PTPRD: variants seen among roughly 807,000 people sequenced by gnomAD.
PTPRD encodes protein tyrosine phosphatase receptor type D.
In PTPRD, 34 loss-of-function variants were observed where a neutral mutation model predicts 214.5. The observed-to-expected ratio is 0.16, with a 90% CI of 0.12 to 0.21. PTPRD has a LOEUF of 0.21. Ranked by LOEUF, PTPRD falls within the 10% of genes least tolerant of loss-of-function variation. The probability of loss-of-function intolerance (pLI) is 1.00; values close to 1 mark genes in which losing one functional copy is unlikely to be tolerated. For synonymous variants in PTPRD, 1,128 were observed against 845.7 expected (o/e 1.33, Z -5.79); for missense variants, 2,545 against 2,398.7 (o/e 1.06, Z -1.27).
intron 11 of PTPRD, among the ~76,000 whole-genome samples, chr9:8,926,952 T>C (rs2098901118): frequency 1.3e-5 from 2 of 152,172 alleles, no homozygotes; most frequent in African/African-American, 4.8e-5. Context: ...TTTACATTTC[T>C]TTCTTTTAGA....
chr9:10,603,390 T>C (rs1444434159), intron 2 of PTPRD, among the ~76,000 whole-genome samples: 1 of 151,900 alleles, frequency 6.6e-6, no homozygotes, highest in East Asian at 1.9e-4. Context: ...TTGTGATCAT[T>C]TACTTATGAT....
chr9:9,728,326 G>A (rs144924442), intron 7 of PTPRD, among the ~76,000 whole-genome samples: 2 of 152,270 alleles, frequency 1.3e-5, no homozygotes, highest in African/African-American at 4.8e-5. Flanking sequence ...TACTTTATGA[G>A]TCATAATTTG....
At chr9:9,034,267 A>G (rs548427682) in intron 10 of PTPRD, among the ~76,000 whole-genome samples, 1 of 152,272 alleles carries the variant, frequency 6.6e-6, no homozygotes, top group African/African-American at 2.4e-5. Flanking sequence ...TATACAGCGT[A>G]TCTGTCTCCA....
rs1331946605 is a variant in PTPRD at position 8,319,818 on chromosome 9, T to A, written c.5670+13A>T. On this transcript the variant is annotated intron_variant, in intron 45 of 45. Transcript: ENST00000381196. ...GGCTCTTGAGATGCGAAAAATGCAATGGATTTTCTCACCTCTGTCTGTACC... is the reference window on the plus strand; with the variant it reads ...GGCTCTTGAGATGCGAAAAATGCAAAGGATTTTCTCACCTCTGTCTGTACC... 20 of 1,611,392 alleles carry A rather than the reference T, an allele frequency of 1.2e-5. No homozygotes were observed. The highest frequency in any genetic ancestry group is 1.7e-5 in the Non-Finnish European group (20 of 1,178,858).
chr9:9,125,453 T>A (rs1265964282), intron 10 of PTPRD, among the ~76,000 whole-genome samples: 1 of 152,208 alleles, frequency 6.6e-6, no homozygotes, highest in Non-Finnish European at 1.5e-5. Context: ...ACAGTACCTG[T>A]GCTTACCTCT....
At chr9:8,549,554 G>C (rs2081374146) in intron 14 of PTPRD, among the ~76,000 whole-genome samples, 1 of 152,054 alleles carries the variant, frequency 6.6e-6, no homozygotes, top group Admixed American at 6.6e-5. Context: ...ATAACTAAAA[G>C]GGATAAGAAC....
chr9:9,944,258 A>G (rs1378099076), intron 4 of PTPRD, among the ~76,000 whole-genome samples: 1 of 152,164 alleles, frequency 6.6e-6, no homozygotes, highest in Non-Finnish European at 1.5e-5. Flanking sequence ...GTAGATATCT[A>G]CTTATAACAA....
chr9:8,805,564 T>C (rs1184229547), intron 11 of PTPRD, among the ~76,000 whole-genome samples: 2 of 151,852 alleles, frequency 1.3e-5, no homozygotes, highest in Non-Finnish European at 2.9e-5. Flanking sequence ...TTGATATCAA[T>C]GCTATAATTT....
intron 2 of PTPRD, among the ~76,000 whole-genome samples, chr9:10,524,892 G>T (rs142550914): frequency 5.4e-4 from 82 of 151,064 alleles, no homozygotes; most frequent in African/African-American, 1.9e-3. Context: ...AAAGATAGGG[G>T]TAAATTGTAA....
chr9:8,407,522 G>A (rs989167900), intron 35 of PTPRD, among the ~76,000 whole-genome samples: 2 of 152,146 alleles, frequency 1.3e-5, no homozygotes, highest in Non-Finnish European at 2.9e-5. Context: ...ACTAAGCCAT[G>A]ATACTACTTA....
At chr9:9,699,470 A>G (rs1157156007) in intron 7 of PTPRD, among the ~76,000 whole-genome samples, 1 of 152,164 alleles carries the variant, frequency 6.6e-6, no homozygotes, top group Non-Finnish European at 1.5e-5. Flanking sequence ...TTGGTGCCAC[A>G]TTCTCAGAGC....
intron 11 of PTPRD, among the ~76,000 whole-genome samples, chr9:8,911,829 C>G (rs1594769): frequency 0.15 from 23,372 of 151,876 alleles, 2,403 homozygotes; most frequent in East Asian, 0.32. Context: ...ATAAGATAAA[C>G]AACTCAATTA....
chr9:9,227,793 T>C lies in PTPRD; in HGVS notation c.-202-44430A>G, dbSNP rs150642015. Among the ~76,000 whole-genome samples the C allele has an allele frequency of 9.2e-5, 14 of 152,256 alleles. No individual in the cohort carries two copies. In the East Asian group the frequency reaches 2.7e-3, roughly 30 times the overall value. ...CCCATAGCCATGTGAATGAGCCATCTTGGAAATGGATCCTCCAGCCCTTTC... is the reference window on the plus strand; with the variant it reads ...CCCATAGCCATGTGAATGAGCCATCCTGGAAATGGATCCTCCAGCCCTTTC... On this transcript the variant is annotated intron_variant, in intron 9 of 45. Transcript: ENST00000381196.
chr9:10,260,037 T>C (rs1052984122), intron 3 of PTPRD, among the ~76,000 whole-genome samples: 2 of 152,200 alleles, frequency 1.3e-5, no homozygotes, highest in African/African-American at 4.8e-5. Flanking sequence ...TTTGTGGTGG[T>C]TGTATCTGCA....
intron 14 of PTPRD, among the ~76,000 whole-genome samples, chr9:8,614,485 A>G (rs1308512733): frequency 6.6e-6 from 1 of 152,208 alleles, no homozygotes; most frequent in Non-Finnish European, 1.5e-5. Context: ...GTTGTAAGGA[A>G]GGCCAGGATA....
chr9:9,839,969 C>T (rs143101463), intron 5 of PTPRD, among the ~76,000 whole-genome samples: 10 of 151,984 alleles, frequency 6.6e-5, no homozygotes, highest in East Asian at 5.8e-4. Flanking sequence ...CTAAAAATAA[C>T]GAAAAGTCAT....
chr9:9,815,112 T>C (rs2048352583), intron 5 of PTPRD, among the ~76,000 whole-genome samples: 1 of 151,980 alleles, frequency 6.6e-6, no homozygotes, highest in Non-Finnish European at 1.5e-5. Context: ...CAAACTATAT[T>C]ACAAAGCTAT....
At chr9:8,559,463 G>C (rs953469393) in intron 14 of PTPRD, among the ~76,000 whole-genome samples, 1 of 152,156 alleles carries the variant, frequency 6.6e-6, no homozygotes. Flanking sequence ...TTTGAAACCT[G>C]CTCTTGGGCT....
intron 8 of PTPRD, among the ~76,000 whole-genome samples, chr9:9,403,290 C>CAAAAAAAAAAAAAA: frequency 1.6e-5 from 1 of 60,658 alleles, no homozygotes; most frequent in Non-Finnish European, 2.8e-5. Context: ...TACTCTGTCT[C>CAAAAAAAAAAAAAA]AAAAAAAAAA....
Sources: gnomAD v4.1 joint callset for allele counts (sites outside exome capture counted in the v4.1 genomes callset) on GRCh38, gnomAD v4.1.1 for gene constraint, MANE v1.5 for transcripts, NCBI Gene and HGNC (gene_info 2026-07-23, HGNC 2026-07-21) for gene names.